The following GRM7 variants were observed in gnomAD, a reference collection of about 807,000 sequenced individuals.
GRM7 encodes the protein metabotropic glutamate receptor 7.
GRM7 carries 35 observed loss-of-function variants against 84.5 expected under a neutral mutation model. That is an observed-to-expected ratio of 0.41 (90% CI 0.32 to 0.55). The LOEUF (loss-of-function observed/expected upper bound fraction) is 0.55, where lower values mean the gene tolerates loss of function less well. Ranked by LOEUF, GRM7 falls within the 20% of genes least tolerant of loss-of-function variation. GRM7 has a pLI of 0.19. For missense variants in GRM7, 1,003 were observed against 1,194.6 expected, an observed-to-expected ratio of 0.84 and a Z score of 2.36; for synonymous variants, 487 against 455.1, an observed-to-expected ratio of 1.07 and a Z score of -0.89.
chr3:7,361,733 A>G (rs1693672894), intron 4 of GRM7, among the ~76,000 whole-genome samples: 1 of 152,146 alleles, frequency 6.6e-6, no homozygotes, highest in Non-Finnish European at 1.5e-5. Context: ...AGTGAGAGAA[A>G]AACTCCACAA....
chr3:6,927,463 GAGAA>G (rs796767040), intron 1 of GRM7, among the ~76,000 whole-genome samples: 6,428 of 92,840 alleles, frequency 0.069, 212 homozygotes, highest in Middle Eastern at 0.2. Flanking sequence ...GAAAGAGAGA[GAGAA>G]AGAAAGAAAG....
chr3:7,458,842 A>G (rs1384115014), intron 6 of GRM7, among the ~76,000 whole-genome samples: 1 of 152,208 alleles, frequency 6.6e-6, no homozygotes, highest in African/African-American at 2.4e-5. Context: ...ATGTGAAAGA[A>G]AAAGGTGAGT....
Position 7,306,571 on chromosome 3 carries a change from T to C in GRM7, c.952T>C (p.Ser318Pro), listed in dbSNP as rs1283204156. 8.1e-6 allele frequency: 13 copies of C among 1,613,734 alleles called. No homozygotes were observed. Among genetic ancestry groups the C allele is most frequent in the Non-Finnish European group, 1.1e-5 (13 of 1,179,862 alleles). Residue 318 changes from serine to proline, a missense_variant, in exon 4 of 10, where the codon TCC becomes CCC. By Grantham distance (74) the Ser-to-Pro change is moderately conservative. Coordinates refer to ENST00000357716, the MANE Select transcript of GRM7 (RefSeq NM_000844.4). ...TTGGGTGGGATCAGACAGCTGGGGA[T>C]CCAAAATAAACCCACTGCACCAGCA... is the stretch of plus-strand genomic sequence containing the variant. Reference protein sequence around the residue: ...FLWVGSDSWGSKINPLHQHED... With the variant: ...FLWVGSDSWGPKINPLHQHED...
At chr3:7,149,849 G>T (rs1694228193) in intron 2 of GRM7, among the ~76,000 whole-genome samples, 1 of 152,110 alleles carries the variant, frequency 6.6e-6, no homozygotes, top group African/African-American at 2.4e-5. Context: ...AATCACAATG[G>T]CTCCCTATAA....
intron 1 of GRM7, among the ~76,000 whole-genome samples, chr3:7,075,345 G>T (rs1698027600): frequency 6.6e-6 from 1 of 152,182 alleles, no homozygotes; most frequent in South Asian, 2.1e-4. Context: ...CTTTCAGTTT[G>T]CTGTGTGGCT....
At chr3:7,085,942 A>C (rs1698442865) in intron 1 of GRM7, among the ~76,000 whole-genome samples, 1 of 136,552 alleles carries the variant, frequency 7.3e-6, no homozygotes, top group African/African-American at 2.8e-5. Context: ...TAGTTAATAA[A>C]ATAAAATGTG....
chr3:7,144,206 G>C lies in GRM7; in HGVS notation c.520-2246G>C, dbSNP rs191922963. ...TTTAGTAATAATTCAGCAAAGCATCGTACTTGTGAGTGTTTATAGCTTTGT... is the reference window on the plus strand; with the variant it reads ...TTTAGTAATAATTCAGCAAAGCATCCTACTTGTGAGTGTTTATAGCTTTGT... On this transcript the variant is annotated intron_variant, in intron 1 of 9. Coordinates refer to ENST00000357716, the MANE Select transcript of GRM7 (RefSeq NM_000844.4). Among the ~76,000 whole-genome samples, 584 of 152,164 alleles carry C rather than the reference G, an allele frequency of 3.8e-3. 3 individuals are homozygous for C. Among genetic ancestry groups the C allele is most frequent in the Middle Eastern group, 0.02 (6 of 294 alleles).
At chr3:7,480,803 C>T (rs76751665) in intron 7 of GRM7, among the ~76,000 whole-genome samples, 9,164 of 152,206 alleles carry the variant, frequency 0.06, 922 homozygotes, top group African/African-American at 0.2. Flanking sequence ...CTACCACCAC[C>T]GCTAACATTC....
At position 7,257,863 on chromosome 3, in the gene GRM7, TA is replaced by T. The variant is rs1453892655; in HGVS notation, c.737-40820del. Among the ~76,000 whole-genome samples the T allele has an allele frequency of 3.3e-5, 5 of 152,308 alleles. No individual in the cohort carries two copies. The East Asian group carries it at 9.6e-4, about 29-fold the overall frequency. On this transcript the variant is annotated intron_variant, in intron 2 of 9. Coordinates refer to ENST00000357716, the MANE Select transcript of GRM7 (RefSeq NM_000844.4). ...GAGTAATTAATGTTTGTAAAATTTT[TA>T]TTCCTTGTTTTATAGGAACATGGGT...
chr3:6,957,296 G>A (rs550098358), intron 1 of GRM7, among the ~76,000 whole-genome samples: 10 of 152,128 alleles, frequency 6.6e-5, no homozygotes, highest in Non-Finnish European at 1.5e-4. Flanking sequence ...CTTGATTAAG[G>A]TGTCTCACTT....
chr3:7,169,660 G>A (rs1356567542), intron 2 of GRM7, among the ~76,000 whole-genome samples: 3 of 152,136 alleles, frequency 2.0e-5, no homozygotes, highest in African/African-American at 7.2e-5. Flanking sequence ...GAGCTTCTTT[G>A]TTTTCATCCC....
At chr3:7,159,664 A>C (rs780851743) in intron 2 of GRM7, among the ~76,000 whole-genome samples, 7 of 152,142 alleles carry the variant, frequency 4.6e-5, no homozygotes, top group Admixed American at 1.3e-4. Context: ...AGATATACCT[A>C]GGTTTAAATA....
At chr3:7,217,580 G>C (rs1196888556) in intron 2 of GRM7, among the ~76,000 whole-genome samples, 1 of 151,444 alleles carries the variant, frequency 6.6e-6, no homozygotes, top group Non-Finnish European at 1.5e-5. Context: ...ATGTTTTATT[G>C]TGTTTTCCTC....
chr3:7,570,899 C>A (rs1252117784), intron 7 of GRM7, among the ~76,000 whole-genome samples: 1 of 152,206 alleles, frequency 6.6e-6, no homozygotes, highest in Non-Finnish European at 1.5e-5. Flanking sequence ...CAGAGGTTCC[C>A]AAACCTCAGT....
At chr3:6,910,202 T>A (rs1696718630) in intron 1 of GRM7, among the ~76,000 whole-genome samples, 1 of 152,094 alleles carries the variant, frequency 6.6e-6, no homozygotes, top group Admixed American at 6.6e-5. Flanking sequence ...TCACATTGAG[T>A]AGACTCATCA....
At chr3:7,178,133 C>T (rs771622381) in intron 2 of GRM7, among the ~76,000 whole-genome samples, 19 of 152,170 alleles carry the variant, frequency 1.2e-4, no homozygotes, top group Non-Finnish European at 1.9e-4. Context: ...AGAATCATTT[C>T]TCTGTGTTTT....
intron 2 of GRM7, among the ~76,000 whole-genome samples, chr3:7,165,494 G>A (rs757284014): frequency 5.3e-5 from 8 of 152,104 alleles, no homozygotes; most frequent in Non-Finnish European, 1.2e-4. Flanking sequence ...TAAATGTTTG[G>A]TTCAAATTTC....
At chr3:7,154,387 A>G (rs935561939) in intron 2 of GRM7, among the ~76,000 whole-genome samples, 1 of 152,190 alleles carries the variant, frequency 6.6e-6, no homozygotes, top group African/African-American at 2.4e-5. Context: ...CTAGAAATAG[A>G]TAGTGACAAG....
At chr3:7,602,686 G>C (rs1177849004) in intron 8 of GRM7, among the ~76,000 whole-genome samples, 5 of 152,078 alleles carry the variant, frequency 3.3e-5, no homozygotes, top group African/African-American at 1.2e-4. Flanking sequence ...TAATTTGCCT[G>C]TTACTGTTTC....
Sources: allele counts gnomAD v4.1 joint callset (sites outside exome capture counted in the v4.1 genomes callset), GRCh38; gene constraint gnomAD v4.1.1; transcripts MANE v1.5; gene names NCBI Gene and HGNC (gene_info 2026-07-23, HGNC 2026-07-21).